The following RAMP3 variants were observed in gnomAD, a reference collection of about 807,000 sequenced individuals.
RAMP3 encodes receptor activity-modifying protein 3.
A neutral mutation model predicts 13.5 loss-of-function variants in RAMP3; 14 were observed. That is an observed-to-expected ratio of 1.04 (90% confidence interval 0.69 to 1.63). The LOEUF (loss-of-function observed/expected upper bound fraction) is 1.63. RAMP3 is among the 40% of genes most tolerant of loss of function. The probability of loss-of-function intolerance (pLI) is 0.00; values close to 1 mark genes in which losing one functional copy is unlikely to be tolerated. For missense variants in RAMP3, 200 were observed against 204.8 expected, an observed-to-expected ratio of 0.98 and a Z score of 0.14; for synonymous variants, 106 against 88.3, an observed-to-expected ratio of 1.20 and a Z score of -1.12.
At chr7:45,180,609 T>C (rs1429260649) in intron 2 of RAMP3, among the ~76,000 whole-genome samples, 1 of 152,230 alleles carries the variant, frequency 6.6e-6, no homozygotes, top group East Asian at 1.9e-4. Context: ...ATAGCAGCAA[T>C]GGGCTCCTTC....
At chr7:45,173,847 C>T (rs1297744791) in intron 1 of RAMP3, among the ~76,000 whole-genome samples, 1 of 152,192 alleles carries the variant, frequency 6.6e-6, no homozygotes, top group Non-Finnish European at 1.5e-5. Flanking sequence ...CTGCTACCAT[C>T]CTGGGGTCCT....
intron 1 of RAMP3, among the ~76,000 whole-genome samples, chr7:45,159,777 A>G (rs1306072201): frequency 6.6e-6 from 1 of 152,190 alleles, no homozygotes; most frequent in African/African-American, 2.4e-5. Flanking sequence ...GTGGGGTGGA[A>G]GGGTTCATGC....
At chr7:45,173,490 A>G (rs1013320076) in intron 1 of RAMP3, among the ~76,000 whole-genome samples, 1 of 152,140 alleles carries the variant, frequency 6.6e-6, no homozygotes, top group Non-Finnish European at 1.5e-5. Flanking sequence ...GCTTTTGTGG[A>G]AGGAAGGACA....
At chr7:45,169,914 A>G (rs1211946340) in intron 1 of RAMP3, among the ~76,000 whole-genome samples, 1 of 152,162 alleles carries the variant, frequency 6.6e-6, no homozygotes, top group Non-Finnish European at 1.5e-5. Context: ...TTTAGGGGAG[A>G]TGCAATTCAT....
At chr7:45,179,464 C>T (rs1386844490) in intron 2 of RAMP3, among the ~76,000 whole-genome samples, 2 of 152,042 alleles carry the variant, frequency 1.3e-5, no homozygotes, top group Non-Finnish European at 2.9e-5. Flanking sequence ...GGCCATGCAC[C>T]AAGAAGAAAA....
intron 1 of RAMP3, among the ~76,000 whole-genome samples, chr7:45,176,160 C>T (rs565829275): frequency 3.6e-4 from 55 of 152,280 alleles, no homozygotes; most frequent in African/African-American, 1.2e-3. Flanking sequence ...GCCTGTATCC[C>T]TCATCTTGCG....
intron 1 of RAMP3, among the ~76,000 whole-genome samples, chr7:45,162,275 T>C (rs1452490356): frequency 6.6e-6 from 1 of 152,212 alleles, no homozygotes; most frequent in Non-Finnish European, 1.5e-5. Flanking sequence ...CCAGGATCAA[T>C]GCCGACCTGT....
At chr7:45,162,369 G>A (rs377339621) in intron 1 of RAMP3, among the ~76,000 whole-genome samples, 5 of 152,206 alleles carry the variant, frequency 3.3e-5, no homozygotes, top group East Asian at 1.9e-4. Flanking sequence ...GGTGGGGATC[G>A]GGGACCAGGG....
chr7:45,171,585 G>T (rs1440804040), intron 1 of RAMP3, among the ~76,000 whole-genome samples: 1 of 151,520 alleles, frequency 6.6e-6, no homozygotes, highest in Non-Finnish European at 1.5e-5. Flanking sequence ...AATTATTTTA[G>T]TCTAATAAAA....
At chr7:45,158,345 G>T (rs1198563195) in intron 1 of RAMP3, among the ~76,000 whole-genome samples, 2 of 152,154 alleles carry the variant, frequency 1.3e-5, no homozygotes, top group Non-Finnish European at 2.9e-5. Flanking sequence ...CTCCGGACTG[G>T]GTAGCTGGTC....
Position 45,183,187 on chromosome 7 carries a change from G to A in RAMP3, c.222G>A (p.Glu74=), listed in dbSNP as rs1786353463. The change falls in exon 3 of 3, where the codon GAG becomes GAA. Residue 74 remains glutamate (E), a synonymous_variant. Coordinates refer to ENST00000242249, the MANE Select transcript of RAMP3 (RefSeq NM_005856.3). The stretch of plus-strand genomic sequence containing the variant: ...ATGAGAGTTTCACCAACTGCACCGA[G>A]ATGGAGGCCAATGTCGTGGGCTGCT... ...VYYESFTNCT[E]MEANVVGCYW... is the part of the protein sequence containing the mutation. The A allele has an allele frequency of 1.2e-6, 2 of 1,612,968 alleles. No homozygotes were observed. The highest frequency in any genetic ancestry group is 2.2e-5 in the South Asian group (2 of 91,084).
intron 1 of RAMP3, among the ~76,000 whole-genome samples, chr7:45,167,294 A>G (rs1310933615): frequency 6.6e-6 from 1 of 152,058 alleles, no homozygotes; most frequent in Non-Finnish European, 1.5e-5. Context: ...GTATGAGGTG[A>G]GAAGGGTCCG....
chr7:45,180,724 C>T (rs981601834), intron 2 of RAMP3, among the ~76,000 whole-genome samples: 1 of 152,218 alleles, frequency 6.6e-6, no homozygotes, highest in Non-Finnish European at 1.5e-5. Flanking sequence ...GCAAACACCC[C>T]AGAGGTGGGT....
rs953751615 is a variant in RAMP3, at chr7:45,183,987, G to A, written c.*575G>A. The A allele has an allele frequency of 1.9e-5, 8 of 414,918 alleles. No homozygotes were observed. The highest frequency in any genetic ancestry group is 1.3e-5 in the Non-Finnish European group (3 of 234,702). 25.7% of individuals were successfully genotyped at this position (414,918 alleles called of 1,614,324 possible). The stretch of plus-strand genomic sequence containing the variant: ...CTGGGAGGAGAAGGGAGGGGCTGGG[G>A]GTTCCCAGGAGCCATGCGTGGCCTG... On this transcript the variant is annotated 3_prime_UTR_variant, in exon 3 of 3. Coordinates refer to ENST00000242249, the MANE Select transcript of RAMP3 (RefSeq NM_005856.3).
At chr7:45,160,406 A>G (rs1172684712) in intron 1 of RAMP3, among the ~76,000 whole-genome samples, 2 of 140,130 alleles carry the variant, frequency 1.4e-5, no homozygotes, top group Admixed American at 7.4e-5. Flanking sequence ...GAAGAGGCCC[A>G]TAGATTTTTG....
intron 2 of RAMP3, among the ~76,000 whole-genome samples, chr7:45,179,654 C>G (rs575367853): frequency 7.2e-4 from 109 of 152,212 alleles, no homozygotes; most frequent in African/African-American, 2.6e-3. Flanking sequence ...AGAAGATGAT[C>G]AGGAGGTCAG....
chr7:45,166,958 C>CTGTTTTTTTT (rs1785974462), intron 1 of RAMP3, among the ~76,000 whole-genome samples: 1 of 101,264 alleles, frequency 9.9e-6, no homozygotes, highest in Admixed American at 1.1e-4. Flanking sequence ...GTCTTTGATG[C>CTGTTTTTTTT]TTTTTTTTTT....
chr7:45,183,468 G>T lies in RAMP3; in HGVS notation c.*56G>T. On this transcript the variant is annotated 3_prime_UTR_variant, in exon 3 of 3. Transcript: ENST00000242249. ...TGGCAAGCTGGAAGAAAGTTCCCTG[G>T]GGATGGGAGAGCGGGTGGGTGCTGC... 1 of 1,593,922 alleles carries T rather than the reference G, an allele frequency of 6.3e-7. No homozygotes were observed. The highest frequency in any genetic ancestry group is 1.1e-5 in the South Asian group (1 of 90,690).
At chr7:45,177,540 C>T in intron 2 of RAMP3, 99 bp downstream of exon 2, 1 of 1,543,436 alleles carries the variant, frequency 6.5e-7, no homozygotes, top group Non-Finnish European at 8.8e-7. Flanking sequence ...TACCCAAGGC[C>T]TCACCCATGC....
Sources: allele counts gnomAD v4.1 joint callset (sites outside exome capture counted in the v4.1 genomes callset), GRCh38; gene constraint gnomAD v4.1.1; transcripts MANE v1.5; gene names NCBI Gene and HGNC (gene_info 2026-07-23, HGNC 2026-07-21).